SHISA6: variants seen among roughly 807,000 people sequenced by gnomAD.
SHISA6 encodes shisa family member 6, also known as protein shisa-6.
SHISA6 carries 22 observed loss-of-function variants against 47.9 expected under a neutral mutation model. The observed-to-expected ratio is 0.46, with a 90% CI of 0.33 to 0.66. The LOEUF (loss-of-function observed/expected upper bound fraction) is 0.66. SHISA6 is among the 30% of genes least tolerant of loss of function. SHISA6 has a pLI of 0.02. For missense variants in SHISA6, 680 were observed against 764.6 expected (o/e 0.89, Z 1.30); for synonymous variants, 388 against 337.8 (o/e 1.15, Z -1.63).
intron 2 of SHISA6, among the ~76,000 whole-genome samples, chr17:11,266,049 C>T (rs968895087): frequency 6.6e-6 from 1 of 152,194 alleles, no homozygotes. Context: ...GCAATTTCAT[C>T]ACAAGCCGCA....
chr17:11,271,152 G>C lies in SHISA6; in HGVS notation c.799+7626G>C, dbSNP rs938691772. Among the ~76,000 whole-genome samples, 6 of 152,028 alleles carry C rather than the reference G, an allele frequency of 3.9e-5. No individual in the cohort carries two copies. The South Asian group carries it at 1.2e-3, about 32-fold the overall frequency. On this transcript the variant is annotated intron_variant, in intron 2 of 5. Coordinates refer to ENST00000441885, the MANE Select transcript of SHISA6 (RefSeq NM_207386.4). ...TCATCCTATGTGAGGGGTGAAGGGT[G>C]GGGGGAAATATGAAAACATGCCCAT...
chr17:11,555,719 C>A (rs1486268602), intron 4 of SHISA6, 21 bp from the exon 5 acceptor site: 1 of 1,514,484 alleles, frequency 6.6e-7, no homozygotes, highest in East Asian at 2.5e-5. Context: ...TAATACAAAA[C>A]ACCCCTCCCT....
chr17:11,401,326 G>T lies in SHISA6; in HGVS notation c.895+21817G>T, dbSNP rs1204568490. On this transcript the variant is annotated intron_variant, in intron 3 of 5. Transcript: ENST00000441885. ...TCCTCCCACACCAGCCTCCTGAGTA[G>T]CTGGGACCACAGACACATGCCATCA... 3.9e-5 allele frequency among the ~76,000 whole-genome samples: 6 copies of T among 152,174 alleles called. No homozygotes were observed. In the East Asian group the frequency reaches 1.2e-3, roughly 29 times the overall value.
intron 1 of SHISA6, among the ~76,000 whole-genome samples, chr17:11,258,346 T>C (rs2142142417): frequency 6.6e-6 from 1 of 152,320 alleles, no homozygotes; most frequent in African/African-American, 2.4e-5. Context: ...CGAAGGTTTG[T>C]TTCCATTGCA....
chr17:11,353,149 C>A (rs1294518625), intron 2 of SHISA6, among the ~76,000 whole-genome samples: 1 of 151,994 alleles, frequency 6.6e-6, no homozygotes. Context: ...GCTGCCGGTG[C>A]ATAATAGTCA....
At chr17:11,556,303 C>A (rs957816596) in intron 5 of SHISA6, among the ~76,000 whole-genome samples, 2 of 152,150 alleles carry the variant, frequency 1.3e-5, no homozygotes, top group African/African-American at 4.8e-5. Context: ...GGCCCACAAA[C>A]CAGCTCCTTC....
intron 3 of SHISA6, among the ~76,000 whole-genome samples, chr17:11,445,434 A>G (rs749673695): frequency 2.0e-5 from 3 of 152,184 alleles, no homozygotes; most frequent in Non-Finnish European, 4.4e-5. Context: ...TCACACATAT[A>G]TCCTTGCAAA....
chr17:11,403,861 T>G (rs1456453363), intron 3 of SHISA6, among the ~76,000 whole-genome samples: 1 of 152,194 alleles, frequency 6.6e-6, no homozygotes, highest in Non-Finnish European at 1.5e-5. Flanking sequence ...GTGGTGTTCC[T>G]CAGAGACCTC....
At chr17:11,472,320 C>T (rs754268519) in intron 3 of SHISA6, among the ~76,000 whole-genome samples, 11 of 152,140 alleles carry the variant, frequency 7.2e-5, no homozygotes, top group Non-Finnish European at 1.6e-4. Flanking sequence ...GCTTAGCTTC[C>T]TGAGCAGCTG....
intron 3 of SHISA6, among the ~76,000 whole-genome samples, chr17:11,410,339 C>T (rs962911497): frequency 1.3e-5 from 2 of 152,170 alleles, no homozygotes; most frequent in Non-Finnish European, 2.9e-5. Context: ...GCAGGTCCTT[C>T]GCCTATGTTT....
chr17:11,460,272 G>A (rs1040123516), intron 3 of SHISA6, among the ~76,000 whole-genome samples: 4 of 152,176 alleles, frequency 2.6e-5, no homozygotes, highest in African/African-American at 9.7e-5. Flanking sequence ...AACCAGCTAG[G>A]CTAGGCGCCG....
chr17:11,334,409 G>T (rs1237378454), intron 2 of SHISA6, among the ~76,000 whole-genome samples: 1 of 152,168 alleles, frequency 6.6e-6, no homozygotes, highest in Non-Finnish European at 1.5e-5. Context: ...CAAGCCCCTG[G>T]ACCTGAAAAT....
intron 3 of SHISA6, among the ~76,000 whole-genome samples, chr17:11,445,535 T>C (rs1248017463): frequency 6.6e-6 from 1 of 152,238 alleles, no homozygotes; most frequent in African/African-American, 2.4e-5. Flanking sequence ...AAACGATAGC[T>C]TTTCTTGTGT....
rs148284603 is a variant in SHISA6 at position 11,299,281 on chromosome 17, G to C, written c.799+35755G>C. On this transcript the variant is annotated intron_variant, in intron 2 of 5. Transcript: ENST00000441885. ...TATTGAGAATTACTGGGTGCCAGAT[G>C]CTATTCTAAGTGATTTACATACATT... Among the ~76,000 whole-genome samples the C allele has an allele frequency of 7.8e-3, 1,186 of 152,132 alleles. 5 individuals carry two copies. The highest frequency in any genetic ancestry group is 0.013 in the Non-Finnish European group (875 of 68,004).
At chr17:11,497,417 C>T (rs1567621742) in intron 3 of SHISA6, among the ~76,000 whole-genome samples, 1 of 152,118 alleles carries the variant, frequency 6.6e-6, no homozygotes, top group Admixed American at 6.5e-5. Context: ...AACGGGAGGA[C>T]CACTGAATAG....
chr17:11,412,533 C>T (rs1382174151), intron 3 of SHISA6, among the ~76,000 whole-genome samples: 1 of 144,738 alleles, frequency 6.9e-6, no homozygotes, highest in African/African-American at 2.7e-5. Context: ...GTGAAGAACA[C>T]TTAGACTTCT....
At chr17:11,512,397 C>A (rs1419550944) in intron 3 of SHISA6, among the ~76,000 whole-genome samples, 2 of 152,162 alleles carry the variant, frequency 1.3e-5, no homozygotes, top group African/African-American at 4.8e-5. Flanking sequence ...ACTCACACAC[C>A]CAGAAACAGC....
intron 3 of SHISA6, among the ~76,000 whole-genome samples, chr17:11,467,019 C>A (rs1347607978): frequency 6.6e-6 from 1 of 152,150 alleles, no homozygotes; most frequent in Non-Finnish European, 1.5e-5. Context: ...TCAGTAGCTA[C>A]AAGGAAACAT....
At chr17:11,484,047 A>G (rs1429531783) in intron 3 of SHISA6, among the ~76,000 whole-genome samples, 1 of 152,246 alleles carries the variant, frequency 6.6e-6, no homozygotes, top group Non-Finnish European at 1.5e-5. Context: ...GCAGAGAAGT[A>G]AAAACATATT....
Sources: gnomAD v4.1 joint callset for allele counts (sites outside exome capture counted in the v4.1 genomes callset) on GRCh38, gnomAD v4.1.1 for gene constraint, MANE v1.5 for transcripts, NCBI Gene and HGNC (gene_info 2026-07-23, HGNC 2026-07-21) for gene names.